The following ADARB1 variants were observed in gnomAD, a reference collection of about 807,000 sequenced individuals.
ADARB1 encodes double-stranded RNA-specific editase 1.
A neutral mutation model predicts 52.4 loss-of-function variants in ADARB1; 10 were observed. The ratio of observed to expected loss-of-function variants is 0.19; its 90% CI spans 0.12 to 0.32. The LOEUF (loss-of-function observed/expected upper bound fraction) is 0.32. Ranked by LOEUF, ADARB1 falls within the 10% of genes least tolerant of loss-of-function variation. The pLI, the probability that ADARB1 is intolerant of heterozygous loss-of-function variation, is 1.00. For synonymous variants in ADARB1, 349 were observed against 371.1 expected (o/e 0.94, Z 0.68); for missense variants, 643 against 922.3 (o/e 0.70, Z 3.92).
In ADARB1 at chr21:45,224,418, C is replaced by T; in HGVS notation, c.*2221C>T. ...GGGTGGACTCGTGCGGCCTTGAGGA[C>T]AGGCACAGGGCACCCTATCCCAAGC... On this transcript the variant is annotated 3_prime_UTR_variant, in exon 11 of 11. Coordinates refer to ENST00000348831, the MANE Select transcript of ADARB1 (RefSeq NM_001112.4). 1 of 911,996 alleles carries T rather than the reference C, an allele frequency of 1.1e-6. No individual in the cohort carries two copies. The highest frequency in any genetic ancestry group is 1.2e-6 in the Non-Finnish European group (1 of 803,072). 56.5% of individuals were successfully genotyped at this position (911,996 alleles called of 1,614,324 possible).
chr21:45,123,793 G>A (rs1036373430), intron 1 of ADARB1, among the ~76,000 whole-genome samples: 1 of 151,990 alleles, frequency 6.6e-6, no homozygotes, highest in Non-Finnish European at 1.5e-5. Context: ...TAGAGATGGG[G>A]TTTCCATGTG....
In ADARB1 at chr21:45,177,224, G is replaced by C. The variant is rs1388261284; in HGVS notation, c.963+560G>C. 2.6e-5 allele frequency: 4 copies of C among 156,550 alleles called. No homozygotes were observed. The East Asian group carries it at 7.6e-4, about 30-fold the overall frequency. 9.7% of individuals were successfully genotyped at this position (156,550 alleles called of 1,614,324 possible). On this transcript the variant is annotated intron_variant, in intron 4 of 10. Transcript: ENST00000348831. ...CGAGGAGCCCATCAAAGCAGCGAAT[G>C]AGCCAGCACAGCAGTGAGCACCTAT...
chr21:45,079,108 C>T (rs1212863999), intron 1 of ADARB1, among the ~76,000 whole-genome samples: 6 of 152,230 alleles, frequency 3.9e-5, no homozygotes, highest in East Asian at 1.9e-4. Context: ...GTGACTGTAC[C>T]GGCACCTCAG....
intron 2 of ADARB1, among the ~76,000 whole-genome samples, chr21:45,151,896 G>A (rs2090310128): frequency 6.6e-6 from 1 of 152,336 alleles, no homozygotes; most frequent in Non-Finnish European, 1.5e-5. Context: ...AGATGTTGGC[G>A]TTTGCCCCTC....
intron 1 of ADARB1, among the ~76,000 whole-genome samples, chr21:45,123,884 A>G: frequency 6.6e-6 from 1 of 152,216 alleles, no homozygotes. Context: ...TATAAGTGTG[A>G]GCCACTGTGT....
chr21:45,098,489 G>A lies in ADARB1; in HGVS notation c.-220+23696G>A, dbSNP rs117261878. The stretch of plus-strand genomic sequence containing the variant: ...TTATATGACCGTTGTCTCCCATCCC[G>A]TCCTGACCTGCCTGTTTATGGAGGC... On this transcript the variant is annotated intron_variant, in intron 1 of 10. Transcript: ENST00000348831. Among the ~76,000 whole-genome samples the A allele has an allele frequency of 1.1e-4, 16 of 152,152 alleles. No homozygotes were observed. In the East Asian group the frequency reaches 2.9e-3, roughly 28 times the overall value.
chr21:45,183,640 T>G, intron 7 of ADARB1, 130 bp downstream of exon 7: 1 of 1,087,864 alleles, frequency 9.2e-7, no homozygotes, highest in East Asian at 2.8e-5. Context: ...CTGATAAGAG[T>G]CTCTATAAAA....
intron 2 of ADARB1, among the ~76,000 whole-genome samples, chr21:45,133,229 T>C (rs1308977149): frequency 6.6e-6 from 1 of 152,236 alleles, no homozygotes; most frequent in Non-Finnish European, 1.5e-5. Context: ...TGACTGAGGG[T>C]CCTCTTCAGG....
rs112855344 is a variant in ADARB1 at position 45,082,048 on chromosome 21, TC to T, written c.-220+7256del. Among the ~76,000 whole-genome samples, 758 of 152,200 alleles carry T rather than the reference TC, an allele frequency of 5.0e-3. 11 individuals are homozygous for T. Among genetic ancestry groups the T allele is most frequent in the African/African-American group, 0.017 (711 of 41,522 alleles). On this transcript the variant is annotated intron_variant, in intron 1 of 10. Transcript: ENST00000348831. The stretch of plus-strand genomic sequence containing the variant: ...TGAATTCTTGGTTGTGGGCAATAGA[TC>T]AGGTCTTGGAGACAAGGGAAGTGGA...
chr21:45,181,494 G>C, intron 5 of ADARB1: 1 of 152,244 alleles, frequency 6.6e-6, no homozygotes, highest in Non-Finnish European at 1.5e-5. Flanking sequence ...ACACCACAAC[G>C]ACTGAATAGA....
Position 45,207,930 on chromosome 21 carries a change from G to T in ADARB1, c.1747+3194G>T, listed in dbSNP as rs1282341460. On this transcript the variant is annotated intron_variant, in intron 9 of 10. Coordinates refer to ENST00000348831, the MANE Select transcript of ADARB1 (RefSeq NM_001112.4). ...AATGCTGTCAGGATTAAAGTGAGAA[G>T]AATTTAATTTTCATTTCAGCCTGAA... Among the ~76,000 whole-genome samples the T allele has an allele frequency of 2.0e-5, 3 of 152,288 alleles. No homozygotes were observed. The South Asian group carries it at 6.2e-4, about 32-fold the overall frequency.
rs534227502 is a variant in ADARB1 at position 45,172,260 on chromosome 21, C to T, written c.28+576C>T. Among the ~76,000 whole-genome samples, 3 of 152,182 alleles carry T rather than the reference C, an allele frequency of 2.0e-5. No individual in the cohort carries two copies. The highest frequency in any genetic ancestry group is 7.2e-5 in the African/African-American group (3 of 41,520). On this transcript the variant is annotated intron_variant, in intron 3 of 10. Coordinates refer to ENST00000348831, the MANE Select transcript of ADARB1 (RefSeq NM_001112.4). The surrounding 1 kb of genome is among the most constrained non-coding windows in gnomAD (Gnocchi z 4.4). ...AGGCCGCTGGGGTACGTTGGTGTTTCGGTGAAGGTACTTATCTCTTCTAGT... is the reference window on the plus strand; with the variant it reads ...AGGCCGCTGGGGTACGTTGGTGTTTTGGTGAAGGTACTTATCTCTTCTAGT...
chr21:45,121,122 C>T (rs1423582140), intron 1 of ADARB1, among the ~76,000 whole-genome samples: 2 of 152,160 alleles, frequency 1.3e-5, no homozygotes, highest in African/African-American at 2.4e-5. Flanking sequence ...TTATACTGGG[C>T]TCGTAAAACG....
At chr21:45,103,019 C>T (rs1170453580) in intron 1 of ADARB1, among the ~76,000 whole-genome samples, 1 of 152,202 alleles carries the variant, frequency 6.6e-6, no homozygotes, top group Non-Finnish European at 1.5e-5. Context: ...GGGGCTTCAT[C>T]CCCAAACTCA....
chr21:45,074,596 C>CGTGGCGGCG lies in ADARB1; in HGVS notation c.-415_-407dup. 1 of 125,040 alleles carries CGTGGCGGCG rather than the reference C, an allele frequency of 8.0e-6. No individual in the cohort carries two copies. Among genetic ancestry groups the CGTGGCGGCG allele is most frequent in the South Asian group, 2.4e-4 (1 of 4,220 alleles). 7.7% of individuals were successfully genotyped at this position (125,040 alleles called of 1,614,324 possible). A position where few individuals can be genotyped will look rare whatever the true frequency, so the allele number is the denominator to read the frequency against. ...GGCGGGGCTGAGGCGCTGAGGCGGCCGTGGCGGCGGCGGCGGCGGCGGCGG... is the reference window on the plus strand; with the variant it reads ...GGCGGGGCTGAGGCGCTGAGGCGGCCGTGGCGGCGGTGGCGGCGGCGGCGGCGGCGGCGG... On this transcript the variant is annotated 5_prime_UTR_variant, in exon 1 of 11. Transcript: ENST00000348831.
At position 45,201,745 on chromosome 21, in the gene ADARB1, A is replaced by C. The variant is rs564224165; in HGVS notation, c.1566-2810A>C. ...GGGTAGGATGGGAGCAGAGAGTCCA[A>C]CATGGATCTGTAAATTATGTGGAAG... On this transcript the variant is annotated intron_variant, in intron 8 of 10. Coordinates refer to ENST00000348831, the MANE Select transcript of ADARB1 (RefSeq NM_001112.4). Among the ~76,000 whole-genome samples, 9 of 152,340 alleles carry C rather than the reference A, an allele frequency of 5.9e-5. No individual in the cohort carries two copies. In the South Asian group the frequency reaches 1.2e-3, roughly 21 times the overall value.
At chr21:45,158,426 T>G (rs912648043) in intron 2 of ADARB1, among the ~76,000 whole-genome samples, 1 of 152,192 alleles carries the variant, frequency 6.6e-6, no homozygotes, top group Non-Finnish European at 1.5e-5. Flanking sequence ...ATAAAACACA[T>G]AATTTGTTAG....
intron 2 of ADARB1, among the ~76,000 whole-genome samples, chr21:45,135,608 A>G (rs1042929255): frequency 1.3e-5 from 2 of 152,256 alleles, no homozygotes; most frequent in African/African-American, 4.8e-5. Flanking sequence ...AATGAAGCAG[A>G]AAGACTAGAA....
At position 45,142,975 on chromosome 21, in the gene ADARB1, C is replaced by T. The variant is rs1667263204; in HGVS notation, c.-48+14402C>T. Among the ~76,000 whole-genome samples, 1 of 152,238 alleles carries T rather than the reference C, an allele frequency of 6.6e-6. No homozygotes were observed. Among genetic ancestry groups the T allele is most frequent in the African/African-American group, 2.4e-5 (1 of 41,466 alleles). Reference sequence around the variant, plus strand: ...CCCACAAAGGCCAAAGCTCCAATGGCATCTGCGATGCTTGTAAAACAAGTA... The same window carrying T: ...CCCACAAAGGCCAAAGCTCCAATGGTATCTGCGATGCTTGTAAAACAAGTA... On this transcript the variant is annotated intron_variant, in intron 2 of 10. Coordinates refer to ENST00000348831, the MANE Select transcript of ADARB1 (RefSeq NM_001112.4). This position sits in a 1 kb window ranked among gnomAD's most constrained non-coding sequence, Gnocchi z 4.0.
Sources: allele counts gnomAD v4.1 joint callset (sites outside exome capture counted in the v4.1 genomes callset), GRCh38; gene constraint gnomAD v4.1.1; non-coding constraint Gnocchi (gnomAD v3.1); transcripts MANE v1.5; gene names NCBI Gene and HGNC (gene_info 2026-07-23, HGNC 2026-07-21).